PLD4: variants seen among roughly 807,000 people sequenced by gnomAD.
PLD4 encodes phospholipase D family member 4.
PLD4 carries 54 observed loss-of-function variants against 52.3 expected under a neutral mutation model. The ratio of observed to expected loss-of-function variants is 1.03; its 90% CI spans 0.83 to 1.30. The LOEUF (loss-of-function observed/expected upper bound fraction) is 1.30, where lower values mean the gene tolerates loss of function less well. Ranked by LOEUF, PLD4 falls within the 50% of genes most tolerant of loss-of-function variation. The pLI is 0.00. For missense variants in PLD4, 731 were observed against 671.1 expected (o/e 1.09, Z -0.99); for synonymous variants, 264 against 286.5 (o/e 0.92, Z 0.79).
chr14:104,931,748 G>T lies in PLD4; in HGVS notation c.919G>T (p.Ala307Ser). The part of the protein sequence containing the change: ...DGVPTTAYFS[A>S]SPPALCPQGR... ...TTCAGGGATTTCTCTCCCGTCACAG[G>T]CGTCGCCACCAGCACTCTGTCCCCA... Residue 307 changes from alanine to serine, a missense_variant and splice_region_variant, in exon 8 of 11, where the codon GCG (alanine) becomes TCG (serine). By Grantham distance (99) the Ala-to-Ser change is moderately conservative. Transcript: ENST00000392593. 3 of 1,585,278 alleles carry T rather than the reference G, an allele frequency of 1.9e-6. No homozygotes were observed. The South Asian group carries it at 3.4e-5, about 18-fold the overall frequency.
chr14:104,927,104 G>A (rs1223941694), intron 1 of PLD4, 37 bp from the exon 2 acceptor site: 10 of 1,516,722 alleles, frequency 6.6e-6, no homozygotes, highest in Admixed American at 2.1e-5. Context: ...TCTGGGCAGA[G>A]CTGGAGCTGC....
In PLD4 at chr14:104,931,823, CAGG is replaced by C; in HGVS notation, c.997_999del (p.Glu333del). ...GCTGCTGGCGGTGATGGGGAGCGCC[CAGG>C]AGTTCATCTATGCCTCCGTGATGGA... is the stretch of plus-strand genomic sequence containing the variant. On this transcript the variant is annotated inframe_deletion, in exon 8 of 11. Transcript: ENST00000392593. The C allele has an allele frequency of 6.4e-7, 1 of 1,574,254 alleles. No individual in the cohort carries two copies. The highest frequency in any genetic ancestry group is 8.6e-7 in the Non-Finnish European group (1 of 1,159,340).
At position 104,930,901 on chromosome 14, in the gene PLD4, C is replaced by T; in HGVS notation, c.877C>T (p.His293Tyr). 6.2e-7 allele frequency: 1 copy of T among 1,613,516 alleles called. No homozygotes were observed. Among genetic ancestry groups the T allele is most frequent in the Non-Finnish European group, 8.5e-7 (1 of 1,180,030 alleles). ...TCACTTCAACCGTTTCCAGCCCTTC[C>T]ACGGCCTCTTTGATGGGGTGCCCAC... is the stretch of plus-strand genomic sequence containing the variant. ...SSHFNRFQPF[H>Y]GLFDGVPTTA... is the part of the protein sequence containing the mutation. The change falls in exon 7 of 11, where the codon CAC becomes TAC. Residue 293 changes from histidine to tyrosine, a missense_variant. Coordinates refer to ENST00000392593, the MANE Select transcript of PLD4 (RefSeq NM_138790.5).
At position 104,927,198 on chromosome 14, in the gene PLD4, C is replaced by T. The variant is rs1425042607; in HGVS notation, c.58C>T (p.Pro20Ser). ...CCCCACATGGCCATGCTCCATGCCG[C>T]CCCGCCGCCCGTGGGACAGAGAGGC... The part of the protein sequence containing the change: ...VAPTWPCSMP[P>S]RRPWDREAGT... The change falls in exon 2 of 11, where the codon CCC (proline) becomes TCC (serine). Residue 20 changes from proline to serine, a missense_variant. Coordinates refer to ENST00000392593, the MANE Select transcript of PLD4 (RefSeq NM_138790.5). 3.2e-6 allele frequency: 5 copies of T among 1,559,404 alleles called. No homozygotes were observed. Among genetic ancestry groups the T allele is most frequent in the Non-Finnish European group, 4.3e-6 (5 of 1,152,154 alleles).
At chr14:104,926,519 A>G (rs1158864714) in intron 1 of PLD4, among the ~76,000 whole-genome samples, 1 of 152,002 alleles carries the variant, frequency 6.6e-6, no homozygotes, top group Non-Finnish European at 1.5e-5. Context: ...TAGGGGTCCC[A>G]CTCTGCCGCC....
At chr14:104,935,514 C>A (rs1033198822), downstream of PLD4, 11 of 152,320 alleles carry the variant, frequency 7.2e-5, no homozygotes, top group Non-Finnish European at 1.0e-4. Context: ...TAGAATGGCT[C>A]CCTTGACCCC....
At chr14:104,929,209 G>A in intron 4 of PLD4, 98 bp from the exon 5 acceptor site, 1 of 1,516,958 alleles carries the variant, frequency 6.6e-7, no homozygotes, top group Admixed American at 2.0e-5. Flanking sequence ...GCTGTGGGCA[G>A]TCATAGGTGG....
At position 104,931,868 on chromosome 14, in the gene PLD4, C is replaced by T. The variant is rs1397226584; in HGVS notation, c.1039C>T (p.Arg347Cys). The change falls in exon 8 of 11, where the codon CGC (arginine) becomes TGC (cysteine). Residue 347 changes from arginine (R) to cysteine (C), a missense_variant. By Grantham distance (180) the Arg-to-Cys change is radical. Coordinates refer to ENST00000392593, the MANE Select transcript of PLD4 (RefSeq NM_138790.5). ...ASVMEYFPTT[R>C]FSHPPRYWPV... ...CGTGATGGAGTATTTCCCCACCACG[C>T]GCTTCAGCCACCCCCCGAGGTAGGT... The T allele has an allele frequency of 2.6e-6, 4 of 1,543,364 alleles. No individual in the cohort carries two copies. In the South Asian group the frequency reaches 3.7e-5, roughly 14 times the overall value.
chr14:104,930,210 A>G, intron 6 of PLD4, 105 bp downstream of exon 6: 1 of 1,455,060 alleles, frequency 6.9e-7, no homozygotes, highest in Non-Finnish European at 9.3e-7. Context: ...AAAGTCGTGT[A>G]GTCCTGTTTA....
At chr14:104,934,817 G>A (rs926104083), downstream of PLD4, 1 of 152,152 alleles carries the variant, frequency 6.6e-6, no homozygotes, top group African/African-American at 2.4e-5. Context: ...TTTTCTGTTC[G>A]ATTAGTGACC....
intron 6 of PLD4, chr14:104,930,472 T>C: frequency 1.7e-6 from 1 of 578,516 alleles, no homozygotes; most frequent in Non-Finnish European, 3.1e-6. Context: ...ATGATCCCAT[T>C]CTTAATGGCT....
Position 104,928,773 on chromosome 14 carries a change from C to T in PLD4, c.309C>T (p.Pro103=). The T allele has an allele frequency of 1.2e-6, 2 of 1,601,542 alleles. No homozygotes were observed. Among genetic ancestry groups the T allele is most frequent in the Non-Finnish European group, 1.7e-6 (2 of 1,172,142 alleles). Residue 103 remains proline (P), a synonymous_variant, in exon 4 of 11, where the codon CCC becomes CCT. Coordinates refer to ENST00000392593, the MANE Select transcript of PLD4 (RefSeq NM_138790.5). ...SCQLVLVESI[P]QDLPSAAGSP... is the part of the protein sequence containing the mutation. Reference sequence around the variant, plus strand: ...GGCTTGTCCTTGTGGAAAGCATCCCCCAGGACCTGCCATCTGCAGCCGGCA... The same window carrying T: ...GGCTTGTCCTTGTGGAAAGCATCCCTCAGGACCTGCCATCTGCAGCCGGCA...
Position 104,932,483 on chromosome 14 carries a change from C to T in PLD4, c.1321+128C>T, listed in dbSNP as rs2140804669. 1.8e-6 allele frequency: 2 copies of T among 1,097,992 alleles called. No individual in the cohort carries two copies. Among genetic ancestry groups the T allele is most frequent in the Non-Finnish European group, 2.6e-6 (2 of 767,426 alleles). 68.0% of individuals were successfully genotyped at this position (1,097,992 alleles called of 1,614,324 possible). On this transcript the variant is annotated intron_variant, in intron 10 of 10. Coordinates refer to ENST00000392593, the MANE Select transcript of PLD4 (RefSeq NM_138790.5). This position sits in a 1 kb window ranked among gnomAD's most constrained non-coding sequence, Gnocchi z 6.5. ...CTGCTGCTGAAGGGGGACGGGGTCTCCATGGAGTTCCGGGGACCAGGCCAC... is the reference window on the plus strand; with the variant it reads ...CTGCTGCTGAAGGGGGACGGGGTCTTCATGGAGTTCCGGGGACCAGGCCAC...
chr14:104,932,172 G>C lies in PLD4; in HGVS notation c.1219G>C (p.Asp407His), dbSNP rs1197202583. The change falls in exon 9 of 11, where the codon GAC becomes CAC. Residue 407 changes from aspartate (D) to histidine (H), a missense_variant. Physicochemically the swap from Asp to His is moderately conservative, Grantham distance 81 (BLOSUM62 -1). Transcript: ENST00000392593. The surrounding 1 kb of genome is among the most constrained non-coding windows in gnomAD (Gnocchi z 6.5). ...CAACCCCGCGGCCAACGTCTCTGTG[G>C]ACGTGGTGAGGGCGTGCTCCCGGCC... ...LSNPAANVSV[D>H]VKVFIVPVGN... 6.2e-7 allele frequency: 1 copy of C among 1,611,346 alleles called. No homozygotes were observed. The highest frequency in any genetic ancestry group is 8.5e-7 in the Non-Finnish European group (1 of 1,179,198).
At position 104,928,951 on chromosome 14, in the gene PLD4, C is replaced by G. The variant is rs569600130; in HGVS notation, c.468+19C>G. The G allele has an allele frequency of 1.4e-5, 22 of 1,574,300 alleles. No homozygotes were observed. In the South Asian group the frequency reaches 2.2e-4, roughly 15 times the overall value. The stretch of plus-strand genomic sequence containing the variant: ...CCAGCTGGTGCGCCCCGCCCTGGCC[C>G]CACCGCATCCTGGTGCTGGAAACAC... On this transcript the variant is annotated intron_variant, in intron 4 of 10. Transcript: ENST00000392593.
intron 2 of PLD4, 38 bp from the exon 3 acceptor site, chr14:104,927,635 G>T (rs768174523): frequency 1.3e-6 from 2 of 1,511,166 alleles, no homozygotes; most frequent in Non-Finnish European, 1.8e-6. Context: ...GTCAAGCCCC[G>T]CCCTGTCTGG....
At position 104,931,875 on chromosome 14, in the gene PLD4, GC is replaced by G; in HGVS notation, c.1048del (p.His350ThrfsTer59). The G allele has an allele frequency of 6.5e-7, 1 of 1,540,218 alleles. No homozygotes were observed. Among genetic ancestry groups the G allele is most frequent in the African/African-American group, 1.4e-5 (1 of 73,264 alleles). On this transcript the variant is annotated frameshift_variant, in exon 8 of 11. Transcript: ENST00000392593. LOFTEE classifies it high-confidence loss of function. ...VMEYFPTTRF[S>X]HPPRYWPVLD... ...GAGTATTTCCCCACCACGCGCTTCA[GC>G]CACCCCCCGAGGTAGGTCTGAGTGG...
In PLD4 at chr14:104,929,422, C is replaced by T; in HGVS notation, c.584C>T (p.Ala195Val). 2 of 1,555,752 alleles carry T rather than the reference C, an allele frequency of 1.3e-6. No individual in the cohort carries two copies. Among genetic ancestry groups the T allele is most frequent in the Non-Finnish European group, 1.7e-6 (2 of 1,149,862 alleles). The change falls in exon 5 of 11, where the codon GCC becomes GTC. Residue 195 changes from alanine to valine, a missense_variant. Coordinates refer to ENST00000392593, the MANE Select transcript of PLD4 (RefSeq NM_138790.5). The stretch of plus-strand genomic sequence containing the variant: ...TCCACCGACCTGCAGGTTCTGGCTG[C>T]CCGAGGTGGGTACCTGCACCATGCT... ...RTSTDLQVLA[A>V]RGAHVRQVPM...
chr14:104,929,170 G>A, intron 4 of PLD4, 137 bp from the exon 5 acceptor site: 6 of 1,401,404 alleles, frequency 4.3e-6, no homozygotes, highest in Non-Finnish European at 5.8e-6. Context: ...TCTCACCAAG[G>A]GTCATCCAGA....
Sources: gnomAD v4.1 joint callset for allele counts (sites outside exome capture counted in the v4.1 genomes callset) on GRCh38, gnomAD v4.1.1 for gene constraint, Gnocchi (gnomAD v3.1) non-coding constraint, MANE v1.5 for transcripts, NCBI Gene and HGNC (gene_info 2026-07-23, HGNC 2026-07-21) for gene names.